The following ARHGAP26 variants were observed in gnomAD, a reference collection of about 807,000 sequenced individuals.
ARHGAP26 encodes the protein rho GTPase-activating protein 26.
ARHGAP26 carries 38 observed loss-of-function variants against 104.8 expected under a neutral mutation model. The ratio of observed to expected loss-of-function variants is 0.36; its 90% CI spans 0.28 to 0.48. ARHGAP26 has a LOEUF of 0.48. Among genes scored for constraint, ARHGAP26 ranks in the 20% least tolerant of loss-of-function variants. The pLI is 0.99. For missense variants in ARHGAP26, 704 were observed against 947.9 expected (o/e 0.74, Z 3.38); for synonymous variants, 341 against 340.0 (o/e 1.00, Z -0.03).
chr5:142,802,524 A>T (rs1762266512), intron 1 of ARHGAP26, among the ~76,000 whole-genome samples: 1 of 152,076 alleles, frequency 6.6e-6, no homozygotes, highest in Admixed American at 6.5e-5. Flanking sequence ...GGACAAAAAA[A>T]TTGGTTTTGT....
At position 142,963,188 on chromosome 5, in the gene ARHGAP26, A is replaced by ATATATATATATATACACATATATATATG. The variant is rs1562164689; in HGVS notation, c.1107+31074_1107+31075insATACACATATATATATGTATATATATAT. Reference sequence around the variant, plus strand: ...GGTATATATGTATATATATATATATATATATATATATGTGTGTGTGTGTGT... The same window carrying ATATATATATATATACACATATATATATG: ...GGTATATATGTATATATATATATATATATATATATATATACACATATATATATGTATATATATATGTGTGTGTGTGTGT... On this transcript the variant is annotated intron_variant, in intron 11 of 22. Transcript: ENST00000645722. 5.1e-4 allele frequency among the ~76,000 whole-genome samples: 56 copies of ATATATATATATATACACATATATATATG among 109,750 alleles called. 1 individual carries two copies. Among genetic ancestry groups the ATATATATATATATACACATATATATATG allele is most frequent in the African/African-American group, 2.7e-3 (52 of 19,512 alleles). 72.0% of individuals were successfully genotyped at this position (109,750 alleles called of 152,430 possible).
intron 17 of ARHGAP26, among the ~76,000 whole-genome samples, chr5:143,116,871 C>A (rs555985859): frequency 6.6e-6 from 1 of 152,348 alleles, no homozygotes; most frequent in East Asian, 1.9e-4. Flanking sequence ...CTCCCTACCC[C>A]CAACAACTGC....
At chr5:143,123,812 C>T (rs970832554) in intron 18 of ARHGAP26, among the ~76,000 whole-genome samples, 17 of 152,194 alleles carry the variant, frequency 1.1e-4, no homozygotes, top group African/African-American at 3.6e-4. Flanking sequence ...GCTATGATTG[C>T]ACCACTGCAC....
At chr5:143,158,436 C>T (rs138137101) in intron 20 of ARHGAP26, among the ~76,000 whole-genome samples, 5 of 152,230 alleles carry the variant, frequency 3.3e-5, no homozygotes, top group East Asian at 3.9e-4. Context: ...CTGGAAACTA[C>T]GCTGATTAGG....
At chr5:143,041,683 G>T in intron 13 of ARHGAP26, 133 bp from the exon 14 acceptor site, 3 of 659,712 alleles carry the variant, frequency 4.5e-6, no homozygotes, top group Non-Finnish European at 8.0e-6. Context: ...AGTGACAGGG[G>T]ACTTTAATTA....
intron 17 of ARHGAP26, among the ~76,000 whole-genome samples, chr5:143,076,280 G>T (rs1275360473): frequency 6.7e-6 from 1 of 148,628 alleles, no homozygotes; most frequent in Admixed American, 6.9e-5. Context: ...CTACAAGAAT[G>T]AGCCCCCATG....
intron 17 of ARHGAP26, among the ~76,000 whole-genome samples, chr5:143,094,734 G>A (rs1236728887): frequency 1.3e-5 from 2 of 152,108 alleles, no homozygotes; most frequent in African/African-American, 4.8e-5. Flanking sequence ...AGACAGCACA[G>A]GCTAAACTAA....
chr5:142,962,094 G>A (rs76620329), intron 11 of ARHGAP26, among the ~76,000 whole-genome samples: 1,810 of 152,224 alleles, frequency 0.012, 27 homozygotes, highest in African/African-American at 0.029. Flanking sequence ...GGAGAAATGC[G>A]AGTGGCGAAA....
intron 9 of ARHGAP26, among the ~76,000 whole-genome samples, chr5:142,909,154 C>T (rs1187606771): frequency 3.9e-5 from 6 of 152,130 alleles, no homozygotes; most frequent in South Asian, 2.1e-4. Context: ...TTGTCTCCCT[C>T]TGGAGATATT....
intron 1 of ARHGAP26, among the ~76,000 whole-genome samples, chr5:142,830,755 A>C (rs1597814709): frequency 6.6e-6 from 1 of 152,192 alleles, no homozygotes; most frequent in African/African-American, 2.4e-5. Context: ...CTGGGAGTCA[A>C]GTTCATCTCT....
chr5:143,121,126 C>A lies in ARHGAP26; in HGVS notation c.1677C>A (p.Ile559=), dbSNP rs1796074391. The A allele has an allele frequency of 9.9e-6, 16 of 1,613,114 alleles. No homozygotes were observed. The highest frequency in any genetic ancestry group is 1.4e-5 in the Non-Finnish European group (16 of 1,179,406). The change falls in exon 18 of 23, where the codon ATC becomes ATA. Residue 559 remains isoleucine (I), a synonymous_variant. Transcript: ENST00000645722. ...AATTTCAGAACATTGTCATTGAGAT[C>A]CTAATAGAAAACCACGAAAAGGTAA... is the stretch of plus-strand genomic sequence containing the variant. The part of the protein sequence containing the change: ...DIKFQNIVIE[I]LIENHEKIFN...
intron 1 of ARHGAP26, among the ~76,000 whole-genome samples, chr5:142,842,887 A>G (rs1348497279): frequency 6.6e-6 from 1 of 152,204 alleles, no homozygotes; most frequent in East Asian, 1.9e-4. Context: ...TATACTAGTG[A>G]TGGTATATTC....
chr5:142,997,711 C>T (rs983949955), intron 11 of ARHGAP26, among the ~76,000 whole-genome samples: 11 of 151,810 alleles, frequency 7.2e-5, no homozygotes, highest in Non-Finnish European at 1.3e-4. Context: ...GATACTGCAC[C>T]TAGCCCAATA....
At chr5:143,054,201 C>G (rs1785454118) in intron 14 of ARHGAP26, among the ~76,000 whole-genome samples, 1 of 152,160 alleles carries the variant, frequency 6.6e-6, no homozygotes, top group Non-Finnish European at 1.5e-5. Context: ...AAAACTCTTG[C>G]ATTTGTCTCT....
At chr5:143,014,158 G>A in intron 12 of ARHGAP26, 42 bp downstream of exon 12, 2 of 1,611,462 alleles carry the variant, frequency 1.2e-6, no homozygotes, top group Non-Finnish European at 8.5e-7. Context: ...CCAGGGTTGG[G>A]AGTAGGCTTT....
chr5:142,913,886 A>G (rs1229871091), intron 10 of ARHGAP26, among the ~76,000 whole-genome samples: 1 of 152,072 alleles, frequency 6.6e-6, no homozygotes, highest in African/African-American at 2.4e-5. Flanking sequence ...AAGTTGTACC[A>G]TTTCGTGGTG....
chr5:142,966,059 T>C (rs891690336), intron 11 of ARHGAP26, among the ~76,000 whole-genome samples: 1 of 152,214 alleles, frequency 6.6e-6, no homozygotes, highest in Non-Finnish European at 1.5e-5. Flanking sequence ...CTTTGTAGCA[T>C]GCAGAATGGG....
At chr5:142,843,640 T>G (rs893775219) in intron 1 of ARHGAP26, among the ~76,000 whole-genome samples, 1 of 152,250 alleles carries the variant, frequency 6.6e-6, no homozygotes, top group African/African-American at 2.4e-5. Context: ...ATGGCGTGTT[T>G]TTTTTTGATG....
At chr5:143,034,312 C>A (rs922885430) in intron 12 of ARHGAP26, among the ~76,000 whole-genome samples, 8 of 152,098 alleles carry the variant, frequency 5.3e-5, no homozygotes, top group Non-Finnish European at 8.8e-5. Flanking sequence ...TTCATAGTAA[C>A]ATTATTCACA....
Sources: allele counts gnomAD v4.1 joint callset (sites outside exome capture counted in the v4.1 genomes callset), GRCh38; gene constraint gnomAD v4.1.1; transcripts MANE v1.5; gene names NCBI Gene and HGNC (gene_info 2026-07-23, HGNC 2026-07-21).